The following NDRG1 variants were observed in gnomAD, a reference collection of about 807,000 sequenced individuals.
NDRG1 encodes the protein N-myc downstream regulated 1.
A neutral mutation model predicts 56.9 loss-of-function variants in NDRG1; 32 were observed. The ratio of observed to expected loss-of-function variants is 0.56; its 90% CI spans 0.42 to 0.76. The LOEUF is 0.76. NDRG1 is among the 30% of genes least tolerant of loss of function. The probability of loss-of-function intolerance (pLI) is 0.00; values close to 1 mark genes in which losing one functional copy is unlikely to be tolerated. For synonymous variants in NDRG1, 211 were observed against 204.1 expected (o/e 1.03, Z -0.29); for missense variants, 507 against 545.7 (o/e 0.93, Z 0.71).
At chr8:133,254,012 T>G (rs1564286381) in intron 9 of NDRG1, among the ~76,000 whole-genome samples, 1 of 151,080 alleles carries the variant, frequency 6.6e-6, no homozygotes, top group South Asian at 2.1e-4. Context: ...AGGAATAAAC[T>G]ATTGATCCAC....
At position 133,262,062 on chromosome 8, in the gene NDRG1, G is replaced by C; in HGVS notation, c.311C>G (p.Ala104Gly). ...GGCCTCTCACCCTGCGGGGAAGGAG[G>C]CTGCGCCGTCCTGCTGGCCAGGGGC... ...VDAPGQQDGA[A>G]SFPAGYMYPS... The change falls in exon 5 of 16, where the codon GCC (alanine) becomes GGC (glycine). Residue 104 changes from alanine to glycine, a missense_variant. Coordinates refer to ENST00000323851, the MANE Select transcript of NDRG1 (RefSeq NM_006096.4). The C allele has an allele frequency of 6.2e-7, 1 of 1,613,280 alleles. No individual in the cohort carries two copies. The highest frequency in any genetic ancestry group is 8.5e-7 in the Non-Finnish European group (1 of 1,179,452).
chr8:133,273,308 C>G (rs936242063), intron 3 of NDRG1, among the ~76,000 whole-genome samples: 2 of 152,224 alleles, frequency 1.3e-5, no homozygotes, highest in Non-Finnish European at 2.9e-5. Context: ...CCACGAGGTA[C>G]AATTTATCGG....
At chr8:133,239,238 T>A in intron 15 of NDRG1, 119 bp from the exon 16 acceptor site, 2 of 1,466,318 alleles carry the variant, frequency 1.4e-6, no homozygotes, top group Non-Finnish European at 1.8e-6. Flanking sequence ...ACTTGATCCC[T>A]GCAGCCATCC....
intron 5 of NDRG1, 25 bp downstream of exon 5, chr8:133,262,022 G>T (rs202099976): frequency 1.3e-6 from 2 of 1,598,672 alleles, no homozygotes; most frequent in Non-Finnish European, 1.7e-6. Context: ...ACCCTGTAGA[G>T]CTCATAGGGC....
chr8:133,240,347 AGGC>A (rs1320192724), intron 15 of NDRG1: 1 of 152,374 alleles, frequency 6.6e-6, no homozygotes, highest in Non-Finnish European at 1.5e-5. Context: ...TCTCCTTGAT[AGGC>A]ACAGGGAGGG....
intron 3 of NDRG1, among the ~76,000 whole-genome samples, chr8:133,266,407 G>A (rs1038318081): frequency 2.0e-5 from 3 of 152,358 alleles, no homozygotes; most frequent in Non-Finnish European, 4.4e-5. Context: ...GCAGCAGAGA[G>A]GAAGGTCAGC....
At chr8:133,283,420 A>T (rs2130793029) in intron 2 of NDRG1, among the ~76,000 whole-genome samples, 1 of 152,372 alleles carries the variant, frequency 6.6e-6, no homozygotes, top group Admixed American at 6.5e-5. Context: ...ACATGCTTTG[A>T]AGCTACGGTG....
chr8:133,264,135 A>G (rs1856793597), intron 4 of NDRG1, among the ~76,000 whole-genome samples: 1 of 152,192 alleles, frequency 6.6e-6, no homozygotes, highest in Admixed American at 6.5e-5. Context: ...GAACAGGCAA[A>G]TTCACAGAAA....
chr8:133,286,649 G>T (rs377454524), intron 1 of NDRG1, among the ~76,000 whole-genome samples: 1 of 152,168 alleles, frequency 6.6e-6, no homozygotes, highest in Non-Finnish European at 1.5e-5. Context: ...ACTGCTAAAG[G>T]CCTTTGGGAA....
intron 1 of NDRG1, chr8:133,288,194 C>T (rs1858232571): frequency 6.6e-6 from 1 of 152,414 alleles, no homozygotes; most frequent in South Asian, 2.1e-4. Context: ...CACGTGCACT[C>T]CCCACCACCT....
intron 9 of NDRG1, among the ~76,000 whole-genome samples, chr8:133,251,745 G>A (rs1586424525): frequency 6.6e-6 from 1 of 152,184 alleles, no homozygotes; most frequent in Non-Finnish European, 1.5e-5. Context: ...CAAATCTCTT[G>A]AACTTGGGAA....
intron 13 of NDRG1, among the ~76,000 whole-genome samples, chr8:133,246,305 C>T (rs1054284076): frequency 6.6e-6 from 1 of 152,172 alleles, no homozygotes; most frequent in African/African-American, 2.4e-5. Context: ...GCAGAGAGCC[C>T]CTCTTGGAGG....
At chr8:133,239,276 T>C in intron 15 of NDRG1, 157 bp from the exon 16 acceptor site, 1 of 1,198,754 alleles carries the variant, frequency 8.3e-7, no homozygotes, top group Non-Finnish European at 1.2e-6. Flanking sequence ...CCTCTCCATG[T>C]CCACTCGGAG....
intron 10 of NDRG1, 116 bp from the exon 11 acceptor site, chr8:133,248,887 A>AT: frequency 8.9e-7 from 1 of 1,127,850 alleles, no homozygotes; most frequent in African/African-American, 1.5e-5. Context: ...AGCTACCCAC[A>AT]TCCCCAACTT....
chr8:133,268,106 C>A (rs1563630882), intron 3 of NDRG1, among the ~76,000 whole-genome samples: 1 of 152,166 alleles, frequency 6.6e-6, no homozygotes, highest in Non-Finnish European at 1.5e-5. Context: ...CTGCCTAGGT[C>A]TCACTCACTT....
intron 12 of NDRG1, among the ~76,000 whole-genome samples, chr8:133,247,095 G>A (rs1389444855): frequency 6.6e-6 from 1 of 152,144 alleles, no homozygotes; most frequent in African/African-American, 2.4e-5. Context: ...TCTTCATTTT[G>A]TCAGTGAACC....
At chr8:133,246,016 G>A (rs1283566645) in intron 13 of NDRG1, among the ~76,000 whole-genome samples, 1 of 152,192 alleles carries the variant, frequency 6.6e-6, no homozygotes, top group Non-Finnish European at 1.5e-5. Context: ...TCTCCACCCA[G>A]GTCCCGCCTG....
At chr8:133,295,048 GT>G (rs1351812437) in intron 1 of NDRG1, among the ~76,000 whole-genome samples, 1 of 152,196 alleles carries the variant, frequency 6.6e-6, no homozygotes, top group African/African-American at 2.4e-5. Context: ...TCCTGTGTGA[GT>G]TTTTTATTCC....
chr8:133,273,953 A>G (rs1857327993), intron 3 of NDRG1, among the ~76,000 whole-genome samples: 1 of 152,142 alleles, frequency 6.6e-6, no homozygotes, highest in Non-Finnish European at 1.5e-5. Flanking sequence ...CTGATGCTGG[A>G]GGCCTCTCAG....
Sources: allele counts gnomAD v4.1 joint callset (sites outside exome capture counted in the v4.1 genomes callset), GRCh38; gene constraint gnomAD v4.1.1; transcripts MANE v1.5; gene names NCBI Gene and HGNC (gene_info 2026-07-23, HGNC 2026-07-21).